XYLT1: variants seen among roughly 807,000 people sequenced by gnomAD.
XYLT1 encodes beta-D-xylosyltransferase 1.
XYLT1 carries 36 observed loss-of-function variants against 91.3 expected under a neutral mutation model. That is an observed-to-expected ratio of 0.39 (90% CI 0.30 to 0.52). The LOEUF (loss-of-function observed/expected upper bound fraction) is 0.52. XYLT1 is among the 20% of genes least tolerant of loss of function. The pLI is 0.68. For missense variants in XYLT1, 1,242 were observed against 1,284.5 expected (o/e 0.97, Z 0.51); for synonymous variants, 588 against 532.0 (o/e 1.11, Z -1.45).
At chr16:17,152,939 G>A (rs556447847) in intron 6 of XYLT1, among the ~76,000 whole-genome samples, 29 of 152,230 alleles carry the variant, frequency 1.9e-4, no homozygotes, top group African/African-American at 6.5e-4. Flanking sequence ...TACATATAAG[G>A]TCAATACCTA....
chr16:17,314,461 T>C (rs2034595414), intron 2 of XYLT1, among the ~76,000 whole-genome samples: 1 of 152,220 alleles, frequency 6.6e-6, no homozygotes, highest in Admixed American at 6.5e-5. Flanking sequence ...CAGGCTTCCC[T>C]TGGAGCATGA....
intron 3 of XYLT1, among the ~76,000 whole-genome samples, chr16:17,201,723 ACC>A (rs1446508777): frequency 5.3e-5 from 8 of 152,090 alleles, no homozygotes; most frequent in South Asian, 2.1e-4. Context: ...TGATCTGCCT[ACC>A]TTGGCCTCCC....
intron 2 of XYLT1, among the ~76,000 whole-genome samples, chr16:17,341,849 C>T (rs1461819175): frequency 6.6e-6 from 1 of 152,170 alleles, no homozygotes; most frequent in Non-Finnish European, 1.5e-5. Flanking sequence ...TTTTTGTGTA[C>T]ACGGAGTAGG....
intron 2 of XYLT1, among the ~76,000 whole-genome samples, chr16:17,327,423 C>T (rs903370642): frequency 1.6e-4 from 23 of 143,646 alleles, no homozygotes; most frequent in African/African-American, 5.5e-4. Flanking sequence ...AGTGCAGTGG[C>T]GCCATCTTGG....
rs1597130780 is a variant in XYLT1, at chr16:17,118,053, C to T, written c.2224-74G>A. On this transcript the variant is annotated intron_variant, in intron 10 of 11. Transcript: ENST00000261381. Reference sequence around the variant, plus strand: ...CTAGGTCTCAGAAAGGTCTAGGATCCCCTTTGTTAGCTTTCATATACCCAT... The same window carrying T: ...CTAGGTCTCAGAAAGGTCTAGGATCTCCTTTGTTAGCTTTCATATACCCAT... 2.7e-6 allele frequency: 4 copies of T among 1,464,646 alleles called. No individual in the cohort carries two copies. In the East Asian group the frequency reaches 9.3e-5, roughly 34 times the overall value. The allele number at this position is 1,464,646 out of a possible 1,614,324, so 90.7% of individuals were successfully genotyped here. A position where few individuals can be genotyped will look rare whatever the true frequency, so the allele number is the denominator to read the frequency against.
At chr16:17,405,388 C>T (rs940706810) in intron 1 of XYLT1, among the ~76,000 whole-genome samples, 4 of 152,192 alleles carry the variant, frequency 2.6e-5, no homozygotes, top group African/African-American at 4.8e-5. Context: ...CATCCGTGCT[C>T]GCAGCAGCCA....
intron 1 of XYLT1, among the ~76,000 whole-genome samples, chr16:17,382,056 C>T (rs2035688545): frequency 6.6e-6 from 1 of 151,868 alleles, no homozygotes; most frequent in African/African-American, 2.4e-5. Context: ...AGAGTCCATG[C>T]TCTTACCCAC....
At chr16:17,369,824 C>T (rs537632868) in intron 1 of XYLT1, 25 of 152,286 alleles carry the variant, frequency 1.6e-4, no homozygotes, top group South Asian at 6.2e-4. Flanking sequence ...CCTGCACAGC[C>T]GCCTTGGGCA....
At chr16:17,399,251 T>G (rs776706072) in intron 1 of XYLT1, among the ~76,000 whole-genome samples, 1 of 152,142 alleles carries the variant, frequency 6.6e-6, no homozygotes, top group Non-Finnish European at 1.5e-5. Context: ...CAACGGAGGC[T>G]GAGATGCTCA....
chr16:17,200,344 T>C, intron 4 of XYLT1, 138 bp downstream of exon 4: 1 of 1,073,150 alleles, frequency 9.3e-7, no homozygotes, highest in Non-Finnish European at 1.4e-6. Context: ...ACACGCTCTG[T>C]GGAGAGGCAG....
chr16:17,127,895 A>G, intron 9 of XYLT1, 34 bp from the exon 10 acceptor site: 8 of 1,598,966 alleles, frequency 5.0e-6, no homozygotes, highest in Non-Finnish European at 6.8e-6. Context: ...TTAGGGCCCA[A>G]GGTGTGTAGG....
In XYLT1 at chr16:17,270,034, C is replaced by G. The variant is rs540454877; in HGVS notation, c.403-10536G>C. 2.0e-5 allele frequency among the ~76,000 whole-genome samples: 3 copies of G among 152,126 alleles called. No homozygotes were observed. The East Asian group carries it at 5.8e-4, about 29-fold the overall frequency. On this transcript the variant is annotated intron_variant, in intron 2 of 11. Coordinates refer to ENST00000261381, the MANE Select transcript of XYLT1 (RefSeq NM_022166.4). ...TTCACCATGTTGGTCAGGCTGGTCT[C>G]GAACTCCTGACCTCGTGATCCACCT...
chr16:17,361,273 G>T (rs749220034), intron 1 of XYLT1, among the ~76,000 whole-genome samples: 1 of 152,158 alleles, frequency 6.6e-6, no homozygotes, highest in Non-Finnish European at 1.5e-5. Context: ...TGCCAGACAC[G>T]TGAAACAAAC....
chr16:17,303,733 C>T (rs2034431306), intron 2 of XYLT1, among the ~76,000 whole-genome samples: 1 of 152,206 alleles, frequency 6.6e-6, no homozygotes, highest in South Asian at 2.1e-4. Context: ...AGCCTTTTCA[C>T]TCTGATTCTA....
intron 1 of XYLT1, among the ~76,000 whole-genome samples, chr16:17,405,121 T>C (rs973129135): frequency 6.6e-6 from 1 of 152,204 alleles, no homozygotes; most frequent in African/African-American, 2.4e-5. Context: ...ATGTCGCGGC[T>C]GTGCAGAGGG....
chr16:17,282,334 C>T (rs2034070392), intron 2 of XYLT1, among the ~76,000 whole-genome samples: 1 of 152,110 alleles, frequency 6.6e-6, no homozygotes, highest in Admixed American at 6.5e-5. Context: ...TTTTGAATGG[C>T]GGGGGTGCTG....
At chr16:17,225,177 A>T (rs1379654) in intron 3 of XYLT1, among the ~76,000 whole-genome samples, 12,031 of 147,292 alleles carry the variant, frequency 0.082, 835 homozygotes, top group African/African-American at 0.19. Flanking sequence ...ACACACACAC[A>T]CTCTCTCTCT....
chr16:17,358,649 C>G (rs1428527336), intron 1 of XYLT1, among the ~76,000 whole-genome samples: 1 of 152,050 alleles, frequency 6.6e-6, no homozygotes, highest in East Asian at 1.9e-4. Flanking sequence ...CACAAAACAA[C>G]AAAATGTAAA....
chr16:17,383,763 T>C (rs1292525961), intron 1 of XYLT1, among the ~76,000 whole-genome samples: 1 of 151,312 alleles, frequency 6.6e-6, no homozygotes, highest in African/African-American at 2.4e-5. Flanking sequence ...TTTTTTTTTT[T>C]TGAGACGGAG....
Sources: allele counts gnomAD v4.1 joint callset (sites outside exome capture counted in the v4.1 genomes callset), GRCh38; gene constraint gnomAD v4.1.1; transcripts MANE v1.5; gene names NCBI Gene and HGNC (gene_info 2026-07-23, HGNC 2026-07-21).